RABGAP1L: variants seen among roughly 807,000 people sequenced by gnomAD.
RABGAP1L encodes the protein rab GTPase-activating protein 1-like.
RABGAP1L carries 63 observed loss-of-function variants against 137.7 expected under a neutral mutation model. The ratio of observed to expected loss-of-function variants is 0.46; its 90% CI spans 0.37 to 0.56. RABGAP1L has a LOEUF of 0.56. Ranked by LOEUF, RABGAP1L falls within the 20% of genes least tolerant of loss-of-function variation. RABGAP1L has a pLI of 0.00. For synonymous variants in RABGAP1L, 431 were observed against 433.7 expected (o/e 0.99, Z 0.08); for missense variants, 1,095 against 1,244.0 (o/e 0.88, Z 1.80).
chr1:174,255,167 C>G (rs1033564176), intron 7 of RABGAP1L, among the ~76,000 whole-genome samples: 2 of 152,050 alleles, frequency 1.3e-5, no homozygotes, highest in African/African-American at 4.8e-5. Context: ...TTATAGTTGT[C>G]ACCTTTTTTT....
intron 13 of RABGAP1L, among the ~76,000 whole-genome samples, chr1:174,619,735 C>G (rs558400574): frequency 1.3e-5 from 2 of 152,178 alleles, no homozygotes; most frequent in Non-Finnish European, 2.9e-5. Context: ...CATCAACTAA[C>G]AAGCAAAATA....
chr1:174,883,577 G>A (rs895137431), intron 19 of RABGAP1L, among the ~76,000 whole-genome samples: 7 of 152,170 alleles, frequency 4.6e-5, no homozygotes, highest in African/African-American at 1.4e-4. Flanking sequence ...TTTGAGCTCA[G>A]AAGGGTGGGA....
At position 174,956,837 on chromosome 1, in the gene RABGAP1L, C is replaced by A. The variant is rs989339009; in HGVS notation, c.2341-620C>A. Among the ~76,000 whole-genome samples, 7 of 151,550 alleles carry A rather than the reference C, an allele frequency of 4.6e-5. No homozygotes were observed. The Middle Eastern group carries it at 0.021, about 445-fold the overall frequency. On this transcript the variant is annotated intron_variant, in intron 19 of 25. Coordinates refer to ENST00000681986, the MANE Select transcript of RABGAP1L (RefSeq NM_001366446.1). ...TAATTTTTGTAATTTTAGTAGAGAC[C>A]GGGTTTCACCATGTTGGCCAGGCTG...
At chr1:174,621,240 G>A (rs1044198980) in intron 13 of RABGAP1L, among the ~76,000 whole-genome samples, 6 of 152,106 alleles carry the variant, frequency 3.9e-5, no homozygotes, top group Non-Finnish European at 5.9e-5. Flanking sequence ...CATGCTCATG[G>A]GTAGGAAGAA....
At chr1:174,790,030 A>C (rs1006444622) in intron 18 of RABGAP1L, among the ~76,000 whole-genome samples, 7 of 152,042 alleles carry the variant, frequency 4.6e-5, no homozygotes, top group African/African-American at 1.7e-4. Context: ...CAACATAGTG[A>C]AACCCCATCT....
chr1:174,587,175 T>C (rs1022681914), intron 13 of RABGAP1L, among the ~76,000 whole-genome samples: 2 of 151,166 alleles, frequency 1.3e-5, no homozygotes, highest in African/African-American at 4.9e-5. Context: ...TGGTTCCAAG[T>C]CTTTGCTATT....
chr1:174,555,186 G>A (rs1334515753), intron 13 of RABGAP1L, among the ~76,000 whole-genome samples: 1 of 152,102 alleles, frequency 6.6e-6, no homozygotes, highest in East Asian at 1.9e-4. Context: ...AAATGGAATA[G>A]ACTATAAATT....
chr1:174,971,336 C>T (rs1670112452), intron 21 of RABGAP1L, among the ~76,000 whole-genome samples: 1 of 151,582 alleles, frequency 6.6e-6, no homozygotes, highest in African/African-American at 2.4e-5. Context: ...ATTTCTTCAC[C>T]AAGAGAACCC....
chr1:174,645,631 T>G (rs2148369511), intron 14 of RABGAP1L, among the ~76,000 whole-genome samples: 1 of 152,306 alleles, frequency 6.6e-6, no homozygotes, highest in Non-Finnish European at 1.5e-5. Flanking sequence ...GATGGGCATT[T>G]GGGTTGGTCC....
At chr1:174,685,484 A>G (rs112474686) in intron 15 of RABGAP1L, among the ~76,000 whole-genome samples, 5 of 151,896 alleles carry the variant, frequency 3.3e-5, no homozygotes, top group African/African-American at 1.2e-4. Flanking sequence ...TGATCTTCTG[A>G]CCTCGTGATC....
chr1:174,927,229 A>G (rs949718050), intron 19 of RABGAP1L, among the ~76,000 whole-genome samples: 1 of 152,172 alleles, frequency 6.6e-6, no homozygotes, highest in African/African-American at 2.4e-5. Context: ...AGTCTATTCT[A>G]TTCTGTTCAA....
At position 174,489,210 on chromosome 1, in the gene RABGAP1L, A is replaced by C. The variant is rs150476670; in HGVS notation, c.1710+95065A>C. The stretch of plus-strand genomic sequence containing the variant: ...AATTAAACTAAAGAGCTTCTGCACA[A>C]TAAAAGAAGCTACCATCAGAGTGAA... On this transcript the variant is annotated intron_variant, in intron 13 of 25. Coordinates refer to ENST00000681986, the MANE Select transcript of RABGAP1L (RefSeq NM_001366446.1). Among the ~76,000 whole-genome samples the C allele has an allele frequency of 5.4e-3, 816 of 152,244 alleles. 12 individuals are homozygous for C. Among genetic ancestry groups the C allele is most frequent in the African/African-American group, 0.019 (771 of 41,548 alleles).
At chr1:174,382,974 G>T (rs1686309150) in intron 12 of RABGAP1L, among the ~76,000 whole-genome samples, 1 of 150,622 alleles carries the variant, frequency 6.6e-6, no homozygotes. Context: ...TTTCGGTGTG[G>T]ATGTCCTTTC....
chr1:174,740,056 C>T (rs1683260025), intron 17 of RABGAP1L, among the ~76,000 whole-genome samples: 2 of 152,186 alleles, frequency 1.3e-5, no homozygotes, highest in African/African-American at 2.4e-5. Flanking sequence ...GTGTACCAGG[C>T]TGCTAGTGTC....
intron 19 of RABGAP1L, among the ~76,000 whole-genome samples, chr1:174,839,826 G>A (rs1157897009): frequency 6.6e-6 from 1 of 152,164 alleles, no homozygotes; most frequent in African/African-American, 2.4e-5. Context: ...TTTAGCAGCA[G>A]CTTTGAACTG....
At chr1:174,575,836 C>T (rs895341240) in intron 13 of RABGAP1L, among the ~76,000 whole-genome samples, 7 of 152,222 alleles carry the variant, frequency 4.6e-5, no homozygotes, top group Admixed American at 2.6e-4. Context: ...GGAGGGTCAC[C>T]GCCTTCTGGT....
intron 10 of RABGAP1L, among the ~76,000 whole-genome samples, chr1:174,300,810 G>C (rs979823127): frequency 6.6e-6 from 1 of 152,126 alleles, no homozygotes; most frequent in African/African-American, 2.4e-5. Flanking sequence ...AGGTTTCAGT[G>C]AGCCAAGGTG....
chr1:174,720,787 C>T (rs170768), intron 17 of RABGAP1L, among the ~76,000 whole-genome samples: 76,374 of 151,948 alleles, frequency 0.5, 21,861 homozygotes, highest in African/African-American at 0.8. Flanking sequence ...TGAGTGCTTA[C>T]AGGAAAAAGT....
At chr1:174,861,924 T>C (rs1650328399) in intron 19 of RABGAP1L, among the ~76,000 whole-genome samples, 1 of 152,214 alleles carries the variant, frequency 6.6e-6, no homozygotes, top group South Asian at 2.1e-4. Context: ...TTGTTGACTG[T>C]TTCCTTTGCT....
Sources: allele counts gnomAD v4.1 joint callset (sites outside exome capture counted in the v4.1 genomes callset), GRCh38; gene constraint gnomAD v4.1.1; transcripts MANE v1.5; gene names NCBI Gene and HGNC (gene_info 2026-07-23, HGNC 2026-07-21).